ITPR2: variants seen among roughly 807,000 people sequenced by gnomAD.
ITPR2 encodes inositol 1,4,5-trisphosphate-gated calcium channel ITPR2.
In ITPR2, 207 loss-of-function variants were observed where a neutral mutation model predicts 317.1. That is an observed-to-expected ratio of 0.65 (90% CI 0.58 to 0.73). The LOEUF is 0.73. Ranked by LOEUF, ITPR2 falls within the 30% of genes least tolerant of loss-of-function variation. The pLI, the probability that ITPR2 is intolerant of heterozygous loss-of-function variation, is 0.00. For missense variants in ITPR2, 2,613 were observed against 3,284.0 expected (o/e 0.80, Z 4.99); for synonymous variants, 1,156 against 1,149.1 (o/e 1.01, Z -0.12).
chr12:26,399,836 T>C (rs1323458207), intron 53 of ITPR2, among the ~76,000 whole-genome samples: 1 of 152,238 alleles, frequency 6.6e-6, no homozygotes, highest in African/African-American at 2.4e-5. Flanking sequence ...TTTATGTTAT[T>C]TGTGTAACAA....
At chr12:26,539,024 A>G (rs1468727732) in intron 37 of ITPR2, among the ~76,000 whole-genome samples, 1 of 152,202 alleles carries the variant, frequency 6.6e-6, no homozygotes, top group Non-Finnish European at 1.5e-5. Context: ...GCTTCTCTAG[A>G]TATGCCTAGT....
At chr12:26,601,161 C>T (rs999429052) in intron 28 of ITPR2, among the ~76,000 whole-genome samples, 1 of 152,054 alleles carries the variant, frequency 6.6e-6, no homozygotes, top group Non-Finnish European at 1.5e-5. Context: ...CTAAAATTTC[C>T]CCATGTAGTT....
chr12:26,587,482 C>T (rs1945560700), intron 32 of ITPR2, among the ~76,000 whole-genome samples: 1 of 151,928 alleles, frequency 6.6e-6, no homozygotes, highest in Non-Finnish European at 1.5e-5. Context: ...GTCCAGCATC[C>T]CTGGAAAATG....
chr12:26,736,580 A>G (rs1949121952), intron 2 of ITPR2, among the ~76,000 whole-genome samples: 1 of 152,202 alleles, frequency 6.6e-6, no homozygotes, highest in South Asian at 2.1e-4. Context: ...AATGCCCTAT[A>G]GCCCTGTGTG....
intron 55 of ITPR2, among the ~76,000 whole-genome samples, chr12:26,353,864 C>T (rs1026481264): frequency 1.3e-5 from 2 of 152,106 alleles, no homozygotes; most frequent in Admixed American, 1.3e-4. Context: ...ACACACACCT[C>T]TATATACAAT....
chr12:26,509,148 T>C (rs895513101), intron 37 of ITPR2, among the ~76,000 whole-genome samples: 5 of 152,166 alleles, frequency 3.3e-5, no homozygotes, highest in African/African-American at 1.2e-4. Flanking sequence ...AAAGACCACA[T>C]ATTGTATGAT....
Position 26,481,137 on chromosome 12 carries a change from C to T in ITPR2, c.6117G>A (p.Gln2039=), listed in dbSNP as rs764215860. 1 of 1,597,440 alleles carries T rather than the reference C, an allele frequency of 6.3e-7. No individual in the cohort carries two copies. Residue 2039 remains glutamine (Q), a synonymous_variant, in exon 43 of 57, where the codon CAG becomes CAA. Coordinates refer to ENST00000381340, the MANE Select transcript of ITPR2 (RefSeq NM_002223.4). ...AACAGTGGAATCGCTCTACCTTTAG[C>T]TGGAGCACCAGGTCCATTCGGTATT... ...LGKYRMDLVL[Q]LKNNASKLLL...
chr12:26,784,567 C>T (rs1351086051), intron 2 of ITPR2, among the ~76,000 whole-genome samples: 6 of 151,706 alleles, frequency 4.0e-5, no homozygotes, highest in African/African-American at 1.5e-4. Flanking sequence ...TGGTCTCCAG[C>T]TCCTAACCGC....
chr12:26,354,839 A>G (rs1938582884), intron 55 of ITPR2, among the ~76,000 whole-genome samples: 1 of 151,988 alleles, frequency 6.6e-6, no homozygotes, highest in African/African-American at 2.4e-5. Context: ...CGCCCAGCTA[A>G]TTTTTGTATT....
chr12:26,403,481 G>A (rs926179232), intron 52 of ITPR2, among the ~76,000 whole-genome samples: 2 of 152,186 alleles, frequency 1.3e-5, no homozygotes, highest in African/African-American at 4.8e-5. Context: ...AGCCAGGCAT[G>A]GTGATACACG....
chr12:26,465,572 G>A (rs1180138341), intron 45 of ITPR2, among the ~76,000 whole-genome samples: 1 of 152,082 alleles, frequency 6.6e-6, no homozygotes, highest in African/African-American at 2.4e-5. Context: ...AGGGAGAACA[G>A]AGGGAAAGTG....
At chr12:26,802,170 T>C (rs566107155) in intron 1 of ITPR2, among the ~76,000 whole-genome samples, 2 of 152,094 alleles carry the variant, frequency 1.3e-5, no homozygotes, top group African/African-American at 2.4e-5. Context: ...GCATATTGCA[T>C]GCACCTGTGG....
intron 1 of ITPR2, among the ~76,000 whole-genome samples, chr12:26,814,876 A>G (rs760909945): frequency 1.3e-5 from 2 of 152,268 alleles, no homozygotes; most frequent in Non-Finnish European, 2.9e-5. Context: ...TGTAAAAATC[A>G]TTAATACTTA....
chr12:26,655,862 G>T lies in ITPR2; in HGVS notation c.2445-10C>A. The T allele has an allele frequency of 6.2e-7, 1 of 1,601,410 alleles. No homozygotes were observed. Reference sequence around the variant, plus strand: ...TGTTATAGAATCATATCTGGAAATAGAGAAAGAAGATAACGCAAGTTAAAC... The same window carrying T: ...TGTTATAGAATCATATCTGGAAATATAGAAAGAAGATAACGCAAGTTAAAC... On this transcript the variant is annotated splice_polypyrimidine_tract_variant and intron_variant, in intron 19 of 56. Coordinates refer to ENST00000381340, the MANE Select transcript of ITPR2 (RefSeq NM_002223.4).
At chr12:26,723,210 A>C (rs1248581115) in intron 4 of ITPR2, among the ~76,000 whole-genome samples, 1 of 152,156 alleles carries the variant, frequency 6.6e-6, no homozygotes, top group Non-Finnish European at 1.5e-5. Context: ...TATTATTACA[A>C]TCATTTCAAA....
chr12:26,750,222 T>C (rs1351077458), intron 2 of ITPR2, among the ~76,000 whole-genome samples: 4 of 152,204 alleles, frequency 2.6e-5, no homozygotes, highest in Non-Finnish European at 2.9e-5. Flanking sequence ...TGGATTTTCA[T>C]TGTTGCAATG....
chr12:26,601,422 T>C (rs1212180127), intron 28 of ITPR2, among the ~76,000 whole-genome samples: 1 of 152,114 alleles, frequency 6.6e-6, no homozygotes, highest in Non-Finnish European at 1.5e-5. Context: ...AAGAAATGGC[T>C]GATTCTAGAG....
At chr12:26,560,221 C>T (rs1944775380) in intron 35 of ITPR2, among the ~76,000 whole-genome samples, 1 of 152,162 alleles carries the variant, frequency 6.6e-6, no homozygotes, top group Admixed American at 6.5e-5. Flanking sequence ...TGATCCTCCT[C>T]CTTTCTGACC....
intron 21 of ITPR2, among the ~76,000 whole-genome samples, chr12:26,638,090 C>G (rs567297084): frequency 3.3e-5 from 5 of 152,234 alleles, no homozygotes; most frequent in African/African-American, 1.2e-4. Context: ...GTTTTACATC[C>G]CACACACTAA....
Sources: allele counts gnomAD v4.1 joint callset (sites outside exome capture counted in the v4.1 genomes callset), GRCh38; gene constraint gnomAD v4.1.1; transcripts MANE v1.5; gene names NCBI Gene and HGNC (gene_info 2026-07-23, HGNC 2026-07-21).